HYDIN: variants seen among roughly 807,000 people sequenced by gnomAD.
HYDIN encodes axonemal central pair apparatus protein HYDIN.
HYDIN carries 132 observed loss-of-function variants against 403.9 expected under a neutral mutation model. That is an observed-to-expected ratio of 0.33 (90% CI 0.28 to 0.38). The LOEUF is 0.38. Among genes scored for constraint, HYDIN ranks in the 10% least tolerant of loss-of-function variants. The pLI is 1.00. For missense variants in HYDIN, 2,827 were observed against 5,009.5 expected (o/e 0.56, Z 13.15); for synonymous variants, 1,202 against 1,891.7 (o/e 0.64, Z 9.46).
chr16:70,869,462 CAT>C (rs1425816796), intron 65 of HYDIN, among the ~76,000 whole-genome samples: 5 of 152,092 alleles, frequency 3.3e-5, no homozygotes, highest in African/African-American at 9.7e-5. Context: ...ATAATCCCCA[CAT>C]GTTGTGGGAG....
chr16:70,839,326 T>C (rs1341619026), intron 76 of HYDIN, among the ~76,000 whole-genome samples: 1 of 140,546 alleles, frequency 7.1e-6, no homozygotes, highest in Non-Finnish European at 1.5e-5. Context: ...TAGGGAAGAG[T>C]TGAAATTTGA....
chr16:70,847,829 T>C (rs1323023487), intron 75 of HYDIN, among the ~76,000 whole-genome samples: 1 of 152,122 alleles, frequency 6.6e-6, no homozygotes. Flanking sequence ...TTTCATTAAA[T>C]TTGGGAAGTT....
intron 1 of HYDIN, among the ~76,000 whole-genome samples, chr16:71,204,934 GA>G (rs976073040): frequency 1.3e-5 from 2 of 150,948 alleles, no homozygotes; most frequent in Admixed American, 6.6e-5. Flanking sequence ...AGCTATAGGT[GA>G]AAAAAAAATT....
At chr16:70,872,471 TCCATTATCCAC>T (rs2040185732) in intron 64 of HYDIN, among the ~76,000 whole-genome samples, 1 of 143,182 alleles carries the variant, frequency 7.0e-6, no homozygotes, top group Non-Finnish European at 1.5e-5. Context: ...CTCTCATCCA[TCCATTATCCAC>T]CCATCCATCA....
intron 18 of HYDIN, among the ~76,000 whole-genome samples, chr16:71,040,703 G>C (rs1227530777): frequency 3.4e-5 from 4 of 117,576 alleles, no homozygotes; most frequent in Non-Finnish European, 7.1e-5. Context: ...TGGTGTACCA[G>C]ATGAGCTTCT....
chr16:71,205,928 G>A (rs1274638533), intron 1 of HYDIN, among the ~76,000 whole-genome samples: 1 of 152,176 alleles, frequency 6.6e-6, no homozygotes, highest in Non-Finnish European at 1.5e-5. Context: ...CAGAGCATGT[G>A]ACCCTACTGA....
intron 3 of HYDIN, among the ~76,000 whole-genome samples, chr16:71,183,291 T>C (rs554032523): frequency 1.1e-3 from 173 of 151,666 alleles, no homozygotes; most frequent in Middle Eastern, 3.4e-3. Context: ...GACAATGCAA[T>C]GGAAATGAAC....
intron 41 of HYDIN, among the ~76,000 whole-genome samples, chr16:70,946,060 G>A (rs1377781371): frequency 6.7e-6 from 1 of 150,250 alleles, no homozygotes; most frequent in African/African-American, 2.5e-5. Context: ...GCTGACAGAA[G>A]TAGAGTAGGG....
chr16:71,212,735 G>A (rs1163227811), intron 1 of HYDIN, among the ~76,000 whole-genome samples: 1 of 150,458 alleles, frequency 6.6e-6, no homozygotes, highest in East Asian at 1.9e-4. Flanking sequence ...GAAGGCTTGA[G>A]TGAAGTAAGA....
intron 22 of HYDIN, among the ~76,000 whole-genome samples, chr16:71,019,347 G>A (rs1304804962): frequency 6.6e-6 from 1 of 152,250 alleles, no homozygotes; most frequent in Admixed American, 6.5e-5. Flanking sequence ...GGGCTTAAAC[G>A]ATTCTGGTAT....
At chr16:70,920,567 C>G in intron 46 of HYDIN, 24 bp downstream of exon 46, 1 of 1,567,832 alleles carries the variant, frequency 6.4e-7, no homozygotes, top group Non-Finnish European at 8.7e-7. Context: ...TTGAGACTTC[C>G]CCACCCTGGA....
At position 70,803,208 on chromosome 16, in the gene HYDIN, C is replaced by A. The variant is rs2034968615; in HGVS notation, c.*4372G>T. On this transcript the variant is annotated 3_prime_UTR_variant, in exon 86 of 86. Coordinates refer to ENST00000393567, the MANE Select transcript of HYDIN (RefSeq NM_001270974.2). The stretch of plus-strand genomic sequence containing the variant: ...CTTTTCTCCTGAAATTATATTCTGG[C>A]TCAGGTTGCTAAGTAACCAGTTTTT... 2.0e-5 allele frequency among the ~76,000 whole-genome samples: 3 copies of A among 152,250 alleles called. No individual in the cohort carries two copies. The highest frequency in any genetic ancestry group is 2.1e-4 in the South Asian group (1 of 4,826).
At chr16:70,928,505 T>A (rs1469179013) in intron 45 of HYDIN, among the ~76,000 whole-genome samples, 1 of 151,214 alleles carries the variant, frequency 6.6e-6, no homozygotes, top group Admixed American at 6.6e-5. Context: ...TCCATGTGGT[T>A]AAATGAGGTT....
intron 55 of HYDIN, among the ~76,000 whole-genome samples, chr16:70,892,872 T>C (rs1483919675): frequency 1.3e-5 from 2 of 152,216 alleles, no homozygotes; most frequent in Non-Finnish European, 2.9e-5. Flanking sequence ...TTTCAGCACA[T>C]GCAGAGCGAA....
At chr16:71,058,600 AT>A (rs150138940) in intron 18 of HYDIN, among the ~76,000 whole-genome samples, 27 of 132,158 alleles carry the variant, frequency 2.0e-4, no homozygotes, top group African/African-American at 7.1e-4. Flanking sequence ...TAATAAAAAA[AT>A]AAATAAATAA....
At position 71,107,551 on chromosome 16, in the gene HYDIN, G is replaced by A. The variant is rs533949418; in HGVS notation, c.1327+8145C>T. On this transcript the variant is annotated intron_variant, in intron 10 of 85. Coordinates refer to ENST00000393567, the MANE Select transcript of HYDIN (RefSeq NM_001270974.2). Reference sequence around the variant, plus strand: ...CTTTTCAAAAGAAGACATATATGTGGCCTACAAGCATATGAAAAAAAGCTC... The same window carrying A: ...CTTTTCAAAAGAAGACATATATGTGACCTACAAGCATATGAAAAAAAGCTC... Among the ~76,000 whole-genome samples, 9 of 152,158 alleles carry A rather than the reference G, an allele frequency of 5.9e-5. No individual in the cohort carries two copies. In the East Asian group the frequency reaches 1.7e-3, roughly 29 times the overall value.
chr16:70,965,553 T>A (rs2078546617), intron 36 of HYDIN, among the ~76,000 whole-genome samples: 1 of 152,210 alleles, frequency 6.6e-6, no homozygotes, highest in African/African-American at 2.4e-5. Flanking sequence ...TTCTCCTAAA[T>A]CTGGCAATCC....
intron 47 of HYDIN, among the ~76,000 whole-genome samples, chr16:70,916,827 T>C (rs572758172): frequency 2.0e-5 from 3 of 152,304 alleles, no homozygotes; most frequent in African/African-American, 7.2e-5. Context: ...TTTTCTTTTC[T>C]TTTTCTCTTT....
chr16:70,934,904 A>G (rs1597362102), intron 45 of HYDIN, among the ~76,000 whole-genome samples: 1 of 152,098 alleles, frequency 6.6e-6, no homozygotes, highest in Admixed American at 6.6e-5. Flanking sequence ...CAGTGGGTAT[A>G]ATTTGAGGTT....
Sources: gnomAD v4.1 joint callset for allele counts (sites outside exome capture counted in the v4.1 genomes callset) on GRCh38, gnomAD v4.1.1 for gene constraint, MANE v1.5 for transcripts, NCBI Gene and HGNC (gene_info 2026-07-23, HGNC 2026-07-21) for gene names.